The following AFG1L variants were observed in gnomAD, a reference collection of about 807,000 sequenced individuals.
The protein encoded by AFG1L is AFG1-like ATPase.
A neutral mutation model predicts 62.2 loss-of-function variants in AFG1L; 53 were observed. That is an observed-to-expected ratio of 0.85 (90% CI 0.68 to 1.07). The LOEUF (loss-of-function observed/expected upper bound fraction) is 1.07. Ranked by LOEUF, AFG1L falls within the 50% of genes least tolerant of loss-of-function variation. The pLI is 0.00. For missense variants in AFG1L, 555 were observed against 590.5 expected, an observed-to-expected ratio of 0.94 and a Z score of 0.62; for synonymous variants, 228 against 210.3, an observed-to-expected ratio of 1.08 and a Z score of -0.73.
At chr6:108,366,212 C>A in intron 5 of AFG1L, 21 bp from the exon 6 acceptor site, 3 of 1,469,342 alleles carry the variant, frequency 2.0e-6, no homozygotes, top group Non-Finnish European at 2.8e-6. Context: ...TAAAATAAAA[C>A]AAATGTGTTG....
At chr6:108,476,757 A>T in intron 8 of AFG1L, 108 bp from the exon 9 acceptor site, 1 of 739,682 alleles carries the variant, frequency 1.4e-6, no homozygotes, top group Non-Finnish European at 2.4e-6. Flanking sequence ...AGAGCATAAC[A>T]TCCTGTTCTT....
chr6:108,320,100 A>G (rs1777761975), intron 1 of AFG1L, among the ~76,000 whole-genome samples: 1 of 152,198 alleles, frequency 6.6e-6, no homozygotes, highest in Non-Finnish European at 1.5e-5. Flanking sequence ...AAACAATGAG[A>G]CGAATTTCAA....
intron 3 of AFG1L, among the ~76,000 whole-genome samples, chr6:108,348,554 T>C (rs964582156): frequency 1.3e-5 from 2 of 152,258 alleles, no homozygotes; most frequent in African/African-American, 4.8e-5. Flanking sequence ...GATTGCCCCT[T>C]AAAATTCTTC....
intron 11 of AFG1L, 30 bp from the exon 12 acceptor site, chr6:108,519,667 A>C: frequency 1.7e-6 from 2 of 1,151,624 alleles, no homozygotes; most frequent in South Asian, 2.6e-5. Context: ...TGTAAAGAGT[A>C]ACACATTTAC....
rs543692207 is a variant in AFG1L at position 108,496,036 on chromosome 6, G to A, written c.1063-14176G>A. Among the ~76,000 whole-genome samples, 4 of 152,240 alleles carry A rather than the reference G, an allele frequency of 2.6e-5. No individual in the cohort carries two copies. In the South Asian group the frequency reaches 8.3e-4, roughly 32 times the overall value. On this transcript the variant is annotated intron_variant, in intron 10 of 12. Coordinates refer to ENST00000368977, the MANE Select transcript of AFG1L (RefSeq NM_145315.5). ...ATGCTACTAACTGAAGTGCCATTTAGTACTCAAAAGTAATCATATGCTTTA... is the reference window on the plus strand; with the variant it reads ...ATGCTACTAACTGAAGTGCCATTTAATACTCAAAAGTAATCATATGCTTTA...
chr6:108,365,058 T>C (rs920696337), intron 5 of AFG1L, among the ~76,000 whole-genome samples: 1 of 152,208 alleles, frequency 6.6e-6, no homozygotes, highest in Non-Finnish European at 1.5e-5. Flanking sequence ...CCAATTTTTA[T>C]GTCCTCTAAT....
chr6:108,333,957 T>C (rs1025027392), intron 2 of AFG1L, among the ~76,000 whole-genome samples: 4 of 152,178 alleles, frequency 2.6e-5, no homozygotes, highest in Non-Finnish European at 5.9e-5. Context: ...ATTGTGAAAA[T>C]ATTTTACATG....
intron 7 of AFG1L, among the ~76,000 whole-genome samples, chr6:108,439,145 GACAAT>G: frequency 6.6e-6 from 1 of 152,298 alleles, no homozygotes; most frequent in Non-Finnish European, 1.5e-5. Context: ...CACACAGCGT[GACAAT>G]TGGCAGAGGA....
intron 6 of AFG1L, among the ~76,000 whole-genome samples, chr6:108,397,271 G>A (rs546747250): frequency 1.3e-5 from 2 of 152,288 alleles, no homozygotes; most frequent in South Asian, 4.2e-4. Context: ...GGGATAACAG[G>A]CGTGTGCCAC....
chr6:108,349,617 G>A (rs773627397), intron 3 of AFG1L, among the ~76,000 whole-genome samples: 1 of 151,244 alleles, frequency 6.6e-6, no homozygotes, highest in African/African-American at 2.4e-5. Context: ...TGGGAAACAG[G>A]TATTAAATTT....
intron 8 of AFG1L, among the ~76,000 whole-genome samples, chr6:108,470,879 A>G (rs1013674777): frequency 1.3e-5 from 2 of 152,232 alleles, no homozygotes; most frequent in Non-Finnish European, 2.9e-5. Flanking sequence ...GGAGATCGAC[A>G]GGAACATGAA....
chr6:108,479,960 G>T (rs1773266022), intron 10 of AFG1L, among the ~76,000 whole-genome samples: 1 of 152,060 alleles, frequency 6.6e-6, no homozygotes, highest in Non-Finnish European at 1.5e-5. Context: ...CCCTTCCAAG[G>T]AAAAAATAAT....
intron 6 of AFG1L, among the ~76,000 whole-genome samples, chr6:108,382,945 A>G (rs1407946080): frequency 1.3e-5 from 2 of 152,232 alleles, no homozygotes; most frequent in African/African-American, 2.4e-5. Context: ...TAATTCTTAA[A>G]AGGTGAAAGA....
chr6:108,420,854 T>TTA (rs1431136000), intron 7 of AFG1L, among the ~76,000 whole-genome samples: 1 of 152,200 alleles, frequency 6.6e-6, no homozygotes, highest in African/African-American at 2.4e-5. Flanking sequence ...CAATAAATAG[T>TTA]TATTTTTGGT....
intron 7 of AFG1L, among the ~76,000 whole-genome samples, chr6:108,425,676 A>G (rs1770779056): frequency 6.6e-6 from 1 of 152,178 alleles, no homozygotes; most frequent in Non-Finnish European, 1.5e-5. Context: ...ATACACATAT[A>G]TACATATATT....
At chr6:108,474,983 T>C (rs1290593873) in intron 8 of AFG1L, among the ~76,000 whole-genome samples, 1 of 152,216 alleles carries the variant, frequency 6.6e-6, no homozygotes, top group Non-Finnish European at 1.5e-5. Context: ...TCCTGAATGA[T>C]ATTGCCTAGA....
chr6:108,366,208 A>T (rs760151539), intron 5 of AFG1L, 25 bp from the exon 6 acceptor site: 8 of 1,451,104 alleles, frequency 5.5e-6, no homozygotes, highest in Non-Finnish European at 7.7e-6. Flanking sequence ...AAATTAAAAT[A>T]AAACAAATGT....
At chr6:108,326,615 G>A (rs959248388) in intron 2 of AFG1L, among the ~76,000 whole-genome samples, 5 of 152,006 alleles carry the variant, frequency 3.3e-5, no homozygotes, top group Admixed American at 6.6e-5. Flanking sequence ...TTACTGTAAC[G>A]TCTTTAGAAG....
intron 1 of AFG1L, among the ~76,000 whole-genome samples, chr6:108,306,736 T>C (rs1156792732): frequency 6.6e-6 from 1 of 152,210 alleles, no homozygotes; most frequent in African/African-American, 2.4e-5. Flanking sequence ...CAACATAGTT[T>C]CTAGATCCTT....
Sources: gnomAD v4.1 joint callset for allele counts (sites outside exome capture counted in the v4.1 genomes callset) on GRCh38, gnomAD v4.1.1 for gene constraint, MANE v1.5 for transcripts, NCBI Gene and HGNC (gene_info 2026-07-23, HGNC 2026-07-21) for gene names.